The following MLIP variants were observed in gnomAD, a reference collection of about 807,000 sequenced individuals.
The protein encoded by MLIP is muscular LMNA-interacting protein.
Under a neutral mutation model 84.8 loss-of-function variants are expected in MLIP, and 79 were observed. That is an observed-to-expected ratio of 0.93 (90% CI 0.78 to 1.12). The LOEUF is 1.12. Among genes scored for constraint, MLIP ranks in the 50% most tolerant of loss-of-function variants. The pLI is 0.00. For missense variants in MLIP, 1,257 were observed against 1,160.6 expected (o/e 1.08, Z -1.21); for synonymous variants, 504 against 463.0 (o/e 1.09, Z -1.14).
chr6:54,078,360 G>T (rs377148257), intron 1 of MLIP, among the ~76,000 whole-genome samples: 77 of 152,314 alleles, frequency 5.1e-4, no homozygotes, highest in African/African-American at 1.8e-3. Flanking sequence ...GGAGGCTGAG[G>T]CAGGCAAGAT....
At chr6:54,197,029 A>G (rs1397127481) in intron 10 of MLIP, among the ~76,000 whole-genome samples, 1 of 152,106 alleles carries the variant, frequency 6.6e-6, no homozygotes, top group African/African-American at 2.4e-5. Flanking sequence ...TAGAGGAGGC[A>G]GTATCATATA....
At chr6:54,097,589 G>A (rs1334343554) in intron 1 of MLIP, among the ~76,000 whole-genome samples, 1 of 152,076 alleles carries the variant, frequency 6.6e-6, no homozygotes, top group Non-Finnish European at 1.5e-5. Flanking sequence ...AAATGATGGT[G>A]GCAGTAAAAC....
At chr6:54,076,847 G>T (rs1337950974) in intron 1 of MLIP, among the ~76,000 whole-genome samples, 1 of 151,994 alleles carries the variant, frequency 6.6e-6, no homozygotes, top group African/African-American at 2.4e-5. Flanking sequence ...GTGAGGGTAA[G>T]ATTTGCCAGA....
In MLIP at chr6:54,170,895, G is replaced by A. The variant is rs925415433; in HGVS notation, c.2544+1323G>A. ...TTGATTTAATTGAGTTCCTTGAGTC[G>A]TTAGTGGGTACAAGAAAAGAAAGTT... On this transcript the variant is annotated intron_variant, in intron 9 of 13. Coordinates refer to ENST00000502396, the MANE Select transcript of MLIP (RefSeq NM_001281747.2). Among the ~76,000 whole-genome samples the A allele has an allele frequency of 2.6e-5, 4 of 151,280 alleles. No individual in the cohort carries two copies. The East Asian group carries it at 5.9e-4, about 22-fold the overall frequency.
At chr6:54,146,902 G>C (rs1772897322) in intron 4 of MLIP, among the ~76,000 whole-genome samples, 1 of 152,108 alleles carries the variant, frequency 6.6e-6, no homozygotes, top group Non-Finnish European at 1.5e-5. Flanking sequence ...CCAAATTCCA[G>C]CCAGGACTGA....
At chr6:54,235,580 TAG>T (rs1781307950) in intron 12 of MLIP, among the ~76,000 whole-genome samples, 1 of 152,198 alleles carries the variant, frequency 6.6e-6, no homozygotes, top group Admixed American at 6.5e-5. Context: ...ATAGGCAAGG[TAG>T]TAAAGATCTA....
intron 4 of MLIP, among the ~76,000 whole-genome samples, chr6:54,145,273 C>T (rs1430291106): frequency 6.6e-6 from 1 of 152,038 alleles, no homozygotes; most frequent in Non-Finnish European, 1.5e-5. Flanking sequence ...ACCTGGAAGC[C>T]TTGAAATGCT....
At chr6:54,187,111 G>A (rs2792637) in intron 9 of MLIP, among the ~76,000 whole-genome samples, 147,604 of 152,258 alleles carry the variant, frequency 0.97, 71,716 homozygotes, top group East Asian at 1. Flanking sequence ...ACCTATGACA[G>A]TGTGGGGATT....
At position 54,030,117 on chromosome 6, in the gene MLIP, C is replaced by A. The variant is rs143783732; in HGVS notation, c.63+11026C>A. 4.6e-5 allele frequency among the ~76,000 whole-genome samples: 7 copies of A among 152,270 alleles called. No homozygotes were observed. The East Asian group carries it at 1.2e-3, about 25-fold the overall frequency. ...CATATGATTTCAAGCAACTATCAGA[C>A]CAGAGACAATGCTTACTTTCCCACT... On this transcript the variant is annotated intron_variant, in intron 1 of 12. Coordinates refer to the MLIP transcript ENST00000274897.
chr6:54,215,446 A>AT (rs1562068062), intron 11 of MLIP: 2 of 1,173,844 alleles, frequency 1.7e-6, no homozygotes, highest in Non-Finnish European at 2.1e-6. Flanking sequence ...ATTTCTTTAA[A>AT]TTTTTTCCAA....
At chr6:54,221,868 C>A (rs1780245835) in intron 11 of MLIP, among the ~76,000 whole-genome samples, 1 of 151,718 alleles carries the variant, frequency 6.6e-6, no homozygotes, top group Non-Finnish European at 1.5e-5. Flanking sequence ...AAAAAGAAAA[C>A]CTATTAATTG....
chr6:54,193,018 T>C (rs187613993), intron 10 of MLIP, among the ~76,000 whole-genome samples: 1 of 152,342 alleles, frequency 6.6e-6, no homozygotes. Context: ...CTGATCTGTT[T>C]GCTTGCTTTT....
At chr6:54,055,129 G>A (rs537661946) in intron 1 of MLIP, among the ~76,000 whole-genome samples, 4 of 152,126 alleles carry the variant, frequency 2.6e-5, no homozygotes, top group East Asian at 1.9e-4. Context: ...CTCGTGATCC[G>A]CCTGTCTCGG....
rs904597000 is a variant in MLIP at position 54,137,332 on chromosome 6, C to T, written c.1263C>T (p.Leu421=). The T allele has an allele frequency of 3.9e-6, 6 of 1,536,046 alleles. No individual in the cohort carries two copies. The African/African-American group carries it at 8.2e-5, about 21-fold the overall frequency. Residue 421 remains leucine, a synonymous_variant, in exon 4 of 14, where the codon CTC becomes CTT. Transcript: ENST00000502396. ...PSRLALLTAI[L]KSNPSHQRPF... ...GGCTTGCCCTTCTCACTGCCATTCT[C>T]AAGTCAAACCCTTCCCACCAAAGAC...
At chr6:54,044,713 A>G (rs772220131) in intron 1 of MLIP, among the ~76,000 whole-genome samples, 8 of 151,444 alleles carry the variant, frequency 5.3e-5, no homozygotes, top group Non-Finnish European at 8.8e-5. Context: ...TACCTAATTT[A>G]CTTCCACTAT....
intron 12 of MLIP, among the ~76,000 whole-genome samples, chr6:54,242,989 G>C (rs55881114): frequency 0.031 from 4,737 of 152,244 alleles, 225 homozygotes; most frequent in African/African-American, 0.11. Flanking sequence ...TAGGTGCAAA[G>C]CACTGTGTTT....
At chr6:54,126,569 C>T (rs1341140189) in intron 3 of MLIP, among the ~76,000 whole-genome samples, 1 of 151,700 alleles carries the variant, frequency 6.6e-6, no homozygotes, top group Non-Finnish European at 1.5e-5. Flanking sequence ...ATTACCATTG[C>T]TCTTGTTTCC....
At chr6:54,163,441 G>T (rs891828403) in intron 8 of MLIP, among the ~76,000 whole-genome samples, 2 of 150,934 alleles carry the variant, frequency 1.3e-5, no homozygotes, top group Non-Finnish European at 3.0e-5. Flanking sequence ...TATTTCTCTT[G>T]TTTTTTTCTG....
chr6:54,148,994 A>T, intron 4 of MLIP, 62 bp from the exon 5 acceptor site: 1 of 1,400,070 alleles, frequency 7.1e-7, no homozygotes, highest in Non-Finnish European at 1.0e-6. Flanking sequence ...AACTGTCTGA[A>T]AATTATGTCA....
Sources: gnomAD v4.1 joint callset for allele counts (sites outside exome capture counted in the v4.1 genomes callset) on GRCh38, gnomAD v4.1.1 for gene constraint, MANE v1.5 for transcripts, NCBI Gene and HGNC (gene_info 2026-07-23, HGNC 2026-07-21) for gene names.